Variants in DBT observed in about 807,000 individuals in gnomAD.
DBT encodes lipoamide acyltransferase component of branched-chain alpha-keto acid dehydrogenase complex, mitochondrial.
DBT carries 40 observed loss-of-function variants against 51.3 expected under a neutral mutation model. The ratio of observed to expected loss-of-function variants is 0.78; its 90% confidence interval spans 0.61 to 1.02. The LOEUF (loss-of-function observed/expected upper bound fraction) is 1.02, where lower values mean the gene tolerates loss of function less well. Ranked by LOEUF, DBT falls within the 50% of genes least tolerant of loss-of-function variation. DBT has a pLI of 0.00. For synonymous variants in DBT, 181 were observed against 190.4 expected (o/e 0.95, Z 0.41); for missense variants, 510 against 580.2 (o/e 0.88, Z 1.24).
chr1:100,188,865 C>G lies in DBT; in HGVS notation c.*7390G>C, dbSNP rs1039990503. 2.0e-5 allele frequency: 3 copies of G among 152,358 alleles called. No homozygotes were observed. Among genetic ancestry groups the G allele is most frequent in the African/African-American group, 7.2e-5 (3 of 41,450 alleles). The allele number at this position is 152,358 out of a possible 1,614,324, so 9.4% of individuals were successfully genotyped here. A position where few individuals can be genotyped will look rare whatever the true frequency, so the allele number is the denominator to read the frequency against. Reference sequence around the variant, plus strand: ...AATTCTCCTGCTCAGTTTTAGCAAGCTGGCCTGGAGTTCTCTCACACGGTC... The same window carrying G: ...AATTCTCCTGCTCAGTTTTAGCAAGGTGGCCTGGAGTTCTCTCACACGGTC... On this transcript the variant is annotated 3_prime_UTR_variant, in exon 11 of 11. Transcript: ENST00000370132.
rs1192122901 is a variant in DBT, at chr1:100,227,674, A to G, written c.433+3059T>C. 3.3e-5 allele frequency among the ~76,000 whole-genome samples: 5 copies of G among 152,232 alleles called. No homozygotes were observed. In the East Asian group the frequency reaches 7.7e-4, roughly 23 times the overall value. On this transcript the variant is annotated intron_variant, in intron 4 of 10. Transcript: ENST00000370132. ...AGAGGGGTAAGGGTATCATTATCCT[A>G]GTTCAGTGTTTAAACTTAGCATCAC... is the stretch of plus-strand genomic sequence containing the variant.
intron 1 of DBT, among the ~76,000 whole-genome samples, chr1:100,242,224 G>T (rs921163808): frequency 1.3e-5 from 2 of 151,292 alleles, no homozygotes; most frequent in Non-Finnish European, 2.9e-5. Flanking sequence ...AAAAAATCAT[G>T]TACATTAGTG....
intron 3 of DBT, among the ~76,000 whole-genome samples, chr1:100,232,090 A>G (rs1477597553): frequency 1.3e-5 from 2 of 152,210 alleles, no homozygotes. Context: ...TAAGATATTC[A>G]ACAGTTCTTT....
intron 8 of DBT, among the ~76,000 whole-genome samples, chr1:100,209,105 T>C (rs988681649): frequency 6.6e-6 from 1 of 150,918 alleles, no homozygotes; most frequent in African/African-American, 2.4e-5. Flanking sequence ...TTTCTTTTTT[T>C]TTTTTTGACA....
intron 4 of DBT, among the ~76,000 whole-genome samples, chr1:100,227,953 A>G (rs939999423): frequency 2.6e-5 from 4 of 151,982 alleles, no homozygotes; most frequent in African/African-American, 9.7e-5. Context: ...GGTTCAAGCA[A>G]TTCTGTCTCA....
intron 1 of DBT, among the ~76,000 whole-genome samples, chr1:100,244,473 G>C (rs905779595): frequency 6.6e-6 from 1 of 152,110 alleles, no homozygotes; most frequent in Non-Finnish European, 1.5e-5. Flanking sequence ...TGGAGAGAAA[G>C]GGAGAAGTCA....
Position 100,235,469 on chromosome 1 carries a change from C to A in DBT, c.218G>T (p.Gly73Val). ...AACAGTTACTTCTCTAATCCCTTCTCCAATGTCTGAGAGCTTGAACTGAAC... is the reference window on the plus strand; with the variant it reads ...AACAGTTACTTCTCTAATCCCTTCTACAATGTCTGAGAGCTTGAACTGAAC... The part of the protein sequence containing the change: ...QVVQFKLSDI[G>V]EGIREVTVKE... Residue 73 changes from glycine (G) to valine (V), a missense_variant, in exon 3 of 11, where the codon GGA becomes GTA. By Grantham distance (109) the Gly-to-Val change is moderately radical. Coordinates refer to ENST00000370132, the MANE Select transcript of DBT (RefSeq NM_001918.5). 6.3e-7 allele frequency: 1 copy of A among 1,595,146 alleles called. No individual in the cohort carries two copies. Among genetic ancestry groups the A allele is most frequent in the African/African-American group, 1.3e-5 (1 of 74,694 alleles).
chr1:100,235,369 T>C (rs1663808325), intron 3 of DBT, 67 bp downstream of exon 3: 10 of 800,304 alleles, frequency 1.2e-5, no homozygotes, highest in South Asian at 9.5e-5. Flanking sequence ...TAAATAAAAA[T>C]AAAAATAGTT....
chr1:100,237,040 AG>A (rs1382126352), intron 2 of DBT, among the ~76,000 whole-genome samples: 1 of 152,232 alleles, frequency 6.6e-6, no homozygotes, highest in Non-Finnish European at 1.5e-5. Context: ...CTATTTCACC[AG>A]TTCTTAAATC....
intron 3 of DBT, among the ~76,000 whole-genome samples, chr1:100,232,261 C>T (rs1351855805): frequency 6.6e-6 from 1 of 150,814 alleles, no homozygotes; most frequent in African/African-American, 2.4e-5. Context: ...GGGTTTATGA[C>T]TTATCCCCAT....
In DBT at chr1:100,192,633, A is replaced by T. The variant is rs958295647; in HGVS notation, c.*3622T>A. 1 of 152,198 alleles carries T rather than the reference A, an allele frequency of 6.6e-6. No homozygotes were observed. The highest frequency in any genetic ancestry group is 1.5e-5 in the Non-Finnish European group (1 of 68,028). The allele number at this position is 152,198 out of a possible 1,614,324, so 9.4% of individuals were successfully genotyped here. On this transcript the variant is annotated 3_prime_UTR_variant, in exon 11 of 11. Transcript: ENST00000370132. The stretch of plus-strand genomic sequence containing the variant: ...CAGTGGGCTTTCCAGACTAAGAGCT[A>T]TCACTTTCACTCTTTCTACATAATC...
chr1:100,229,420 C>T (rs1201094822), intron 4 of DBT, among the ~76,000 whole-genome samples: 1 of 152,158 alleles, frequency 6.6e-6, no homozygotes, highest in Non-Finnish European at 1.5e-5. Context: ...CCCACCTCGG[C>T]CTCCCAAAGT....
rs1195362331 is a variant in DBT at position 100,192,385 on chromosome 1, T to G, written c.*3870A>C. ...AGCCTGGAACTGAATATACAGTTAA[T>G]AAATAAGTGCAGAATGAACTAACTA... On this transcript the variant is annotated 3_prime_UTR_variant, in exon 11 of 11. Coordinates refer to ENST00000370132, the MANE Select transcript of DBT (RefSeq NM_001918.5). The G allele has an allele frequency of 6.6e-6, 1 of 152,212 alleles. No individual in the cohort carries two copies. Among genetic ancestry groups the G allele is most frequent in the Non-Finnish European group, 1.5e-5 (1 of 68,044 alleles). The allele number at this position is 152,212 out of a possible 1,614,324, so 9.4% of individuals were successfully genotyped here. A position where few individuals can be genotyped will look rare whatever the true frequency, so the allele number is the denominator to read the frequency against.
At chr1:100,212,092 C>T (rs1411407793) in intron 7 of DBT, among the ~76,000 whole-genome samples, 1 of 152,092 alleles carries the variant, frequency 6.6e-6, no homozygotes, top group African/African-American at 2.4e-5. Flanking sequence ...TTTTAGTAAG[C>T]ATTTGATTCA....
chr1:100,231,457 G>A (rs1361127213), intron 3 of DBT, among the ~76,000 whole-genome samples: 7 of 152,030 alleles, frequency 4.6e-5, no homozygotes, highest in East Asian at 1.9e-4. Flanking sequence ...TTTCTAGATC[G>A]TTTTGGCAAA....
chr1:100,243,249 G>A (rs149311463), intron 1 of DBT, among the ~76,000 whole-genome samples: 5 of 110,152 alleles, frequency 4.5e-5, no homozygotes, highest in East Asian at 2.9e-4. Context: ...GTGACAGAGA[G>A]ACCTTGTCTC....
intron 4 of DBT, among the ~76,000 whole-genome samples, chr1:100,219,172 G>C (rs923089707): frequency 4.6e-5 from 7 of 151,978 alleles, no homozygotes; most frequent in African/African-American, 1.7e-4. Flanking sequence ...GGCAACATAG[G>C]GAGACCCCAC....
intron 4 of DBT, among the ~76,000 whole-genome samples, chr1:100,230,299 G>A (rs920739490): frequency 1.3e-5 from 2 of 151,658 alleles, no homozygotes; most frequent in African/African-American, 2.4e-5. Context: ...TCCTGATTTC[G>A]GCTTCTAAAA....
intron 1 of DBT, among the ~76,000 whole-genome samples, chr1:100,248,314 C>T (rs1664676077): frequency 6.6e-6 from 1 of 152,152 alleles, no homozygotes; most frequent in South Asian, 2.1e-4. Flanking sequence ...TCATAAGCCA[C>T]TTAATGTGAG....
Sources: allele counts gnomAD v4.1 joint callset (sites outside exome capture counted in the v4.1 genomes callset), GRCh38; gene constraint gnomAD v4.1.1; transcripts MANE v1.5; gene names NCBI Gene and HGNC (gene_info 2026-07-23, HGNC 2026-07-21).